PRELID2: variants seen among roughly 807,000 people sequenced by gnomAD.
PRELID2 encodes PRELI domain-containing protein 2.
Under a neutral mutation model 28.4 loss-of-function variants are expected in PRELID2, and 25 were observed. That is an observed-to-expected ratio of 0.88 (90% CI 0.64 to 1.23). The LOEUF (loss-of-function observed/expected upper bound fraction) is 1.23, where lower values mean the gene tolerates loss of function less well. Ranked by LOEUF, PRELID2 falls within the 50% of genes most tolerant of loss-of-function variation. The pLI is 0.00. For synonymous variants in PRELID2, 76 were observed against 71.6 expected, an observed-to-expected ratio of 1.06 and a Z score of -0.31; for missense variants, 201 against 214.4, an observed-to-expected ratio of 0.94 and a Z score of 0.39.
At chr5:145,298,941 T>C in the PRELID2 span, among the ~76,000 whole-genome samples, 2 of 152,180 alleles carry the variant, frequency 1.3e-5, no homozygotes, top group Admixed American at 6.6e-5. Context: ...ATGTTGCATG[T>C]ATAAAACAGA....
At chr5:145,778,488 C>T (rs1176074930) in intron 5 of PRELID2, among the ~76,000 whole-genome samples, 3 of 152,190 alleles carry the variant, frequency 2.0e-5, no homozygotes, top group Non-Finnish European at 2.9e-5. Flanking sequence ...TCCATTTGTC[C>T]ATGCATCTCA....
At position 145,697,033 on chromosome 5, in the gene PRELID2, TTATATATATATA is replaced by T. The variant is rs36117637; in HGVS notation, n.70+67886_70+67897del. ...AGTGGATGTAGGAAAGAGAGGAAAA[TTATATATATATA>T]TATATATATATATATATATATATAT... On this transcript the variant is annotated intron_variant and non_coding_transcript_variant, in intron 1 of 2. Transcript: ENST00000510259. 6.8e-3 allele frequency among the ~76,000 whole-genome samples: 343 copies of T among 50,642 alleles called. 4 individuals carry two copies. The highest frequency in any genetic ancestry group is 0.017 in the Middle Eastern group (1 of 60). 33.2% of individuals were successfully genotyped at this position (50,642 alleles called of 152,430 possible).
At chr5:145,370,293 G>T in the PRELID2 span, among the ~76,000 whole-genome samples, 1 of 151,974 alleles carries the variant, frequency 6.6e-6, no homozygotes, top group African/African-American at 2.4e-5. Context: ...GTTAATTTTT[G>T]CATAGGGTCT....
chr5:145,413,377 T>G, the PRELID2 span, among the ~76,000 whole-genome samples: 1 of 152,272 alleles, frequency 6.6e-6, no homozygotes, highest in Middle Eastern at 3.4e-3. Context: ...TTTACACTGC[T>G]GGTGGGAATG....
chr5:145,599,292 A>G (rs1453280508), intron 1 of PRELID2, among the ~76,000 whole-genome samples: 1 of 152,226 alleles, frequency 6.6e-6, no homozygotes, highest in African/African-American at 2.4e-5. Flanking sequence ...GTAACTTGTT[A>G]TACTCTTACA....
chr5:145,339,926 A>G, the PRELID2 span, among the ~76,000 whole-genome samples: 1 of 152,156 alleles, frequency 6.6e-6, no homozygotes, highest in Non-Finnish European at 1.5e-5. Flanking sequence ...ATGCAAGGAC[A>G]AATCTTATTG....
chr5:145,595,380 G>A (rs1753290642), intron 1 of PRELID2, among the ~76,000 whole-genome samples: 1 of 152,128 alleles, frequency 6.6e-6, no homozygotes, highest in Non-Finnish European at 1.5e-5. Context: ...AGAGGTAAAG[G>A]TGGGTTGTAG....
intron 1 of PRELID2, among the ~76,000 whole-genome samples, chr5:145,637,419 T>G (rs1213567736): frequency 1.3e-5 from 2 of 152,078 alleles, no homozygotes; most frequent in East Asian, 3.9e-4. Context: ...AGTCCCCTCA[T>G]TTCTACACTG....
At chr5:145,785,713 C>T (rs1227973567) in intron 5 of PRELID2, among the ~76,000 whole-genome samples, 1 of 152,202 alleles carries the variant, frequency 6.6e-6, no homozygotes, top group South Asian at 2.1e-4. Flanking sequence ...CTGTCATTAA[C>T]TCAATGAATG....
chr5:145,524,835 C>T (rs909512619), intron 1 of PRELID2, among the ~76,000 whole-genome samples: 27 of 152,188 alleles, frequency 1.8e-4, no homozygotes, highest in Admixed American at 1.4e-3. Flanking sequence ...CTGTGAGCCT[C>T]AGTTTCCTCC....
At chr5:145,432,781 A>C in the PRELID2 span, among the ~76,000 whole-genome samples, 6 of 152,156 alleles carry the variant, frequency 3.9e-5, no homozygotes, top group Admixed American at 3.9e-4. Flanking sequence ...CCATTTAAGA[A>C]ACCTCTTTCT....
intron 1 of PRELID2, among the ~76,000 whole-genome samples, chr5:145,654,795 C>A (rs1581031108): frequency 1.3e-5 from 2 of 152,098 alleles, no homozygotes; most frequent in African/African-American, 4.8e-5. Context: ...CAATATCATA[C>A]TGAATGGGCA....
intron 1 of PRELID2, among the ~76,000 whole-genome samples, chr5:145,575,384 C>G (rs1753051828): frequency 6.6e-6 from 1 of 152,184 alleles, no homozygotes; most frequent in African/African-American, 2.4e-5. Context: ...AGCTATGATT[C>G]ATGCATTTGA....
At chr5:145,306,977 G>A in the PRELID2 span, among the ~76,000 whole-genome samples, 7 of 151,978 alleles carry the variant, frequency 4.6e-5, no homozygotes, top group African/African-American at 1.7e-4. Context: ...TATTATAGTT[G>A]GTTAATTTGG....
At chr5:145,395,495 A>G in the PRELID2 span, among the ~76,000 whole-genome samples, 1 of 152,170 alleles carries the variant, frequency 6.6e-6, no homozygotes, top group Non-Finnish European at 1.5e-5. Context: ...GAAACCAAGT[A>G]ACTCACCTGA....
intron 1 of PRELID2, among the ~76,000 whole-genome samples, chr5:145,637,153 T>C (rs1406738777): frequency 6.6e-6 from 1 of 152,004 alleles, no homozygotes; most frequent in Non-Finnish European, 1.5e-5. Flanking sequence ...AAAAAAACAG[T>C]TCTAAAGGTC....
In PRELID2 at chr5:145,810,756, T is replaced by A. The variant is rs147411439; in HGVS notation, c.368+7138A>T. 1.5e-3 allele frequency among the ~76,000 whole-genome samples: 227 copies of A among 152,304 alleles called. 4 individuals carry two copies. In the East Asian group the frequency reaches 0.035, roughly 24 times the overall value. On this transcript the variant is annotated intron_variant, in intron 4 of 6. Coordinates refer to ENST00000683046, the MANE Select transcript of PRELID2 (RefSeq NM_205846.3). Reference sequence around the variant, plus strand: ...CTGGCACTATTTTAAGCTTTCTCTATGTACGACTTCATTTAATTCATACAA... The same window carrying A: ...CTGGCACTATTTTAAGCTTTCTCTAAGTACGACTTCATTTAATTCATACAA...
At chr5:145,824,460 G>GTA (rs1226421073) in intron 1 of PRELID2, among the ~76,000 whole-genome samples, 1 of 145,668 alleles carries the variant, frequency 6.9e-6, no homozygotes, top group African/African-American at 2.5e-5. Flanking sequence ...GTGTGTGTGT[G>GTA]TGTGATATTG....
At chr5:145,452,716 A>C in the PRELID2 span, among the ~76,000 whole-genome samples, 4 of 152,224 alleles carry the variant, frequency 2.6e-5, no homozygotes, top group African/African-American at 7.2e-5. Context: ...GGTATAGATA[A>C]TTAGTAAGTC....
Sources: gnomAD v4.1 joint callset for allele counts (sites outside exome capture counted in the v4.1 genomes callset) on GRCh38, gnomAD v4.1.1 for gene constraint, MANE v1.5 for transcripts, NCBI Gene and HGNC (gene_info 2026-07-23, HGNC 2026-07-21) for gene names.